IKZF3: variants seen among roughly 807,000 people sequenced by gnomAD.
IKZF3 encodes the protein IKAROS family zinc finger 3, also known as zinc finger protein Aiolos.
A neutral mutation model predicts 49.0 loss-of-function variants in IKZF3; 10 were observed. The observed-to-expected ratio is 0.20, with a 90% CI of 0.13 to 0.35. The LOEUF (loss-of-function observed/expected upper bound fraction) is 0.35, where lower values mean the gene tolerates loss of function less well. IKZF3 is among the 10% of genes least tolerant of loss of function. The probability of loss-of-function intolerance (pLI) is 1.00; values close to 1 mark genes in which losing one functional copy is unlikely to be tolerated. For synonymous variants in IKZF3, 209 were observed against 228.2 expected (o/e 0.92, Z 0.76); for missense variants, 498 against 664.8 (o/e 0.75, Z 2.76).
intron 5 of IKZF3, 42 bp downstream of exon 5, chr17:39,791,374 A>G: frequency 6.2e-7 from 1 of 1,601,994 alleles, no homozygotes; most frequent in Non-Finnish European, 8.5e-7. Context: ...GGCTCTGAGG[A>G]ATGCACTTCC....
intron 7 of IKZF3, among the ~76,000 whole-genome samples, chr17:39,772,515 T>C (rs2060470749): frequency 6.6e-6 from 1 of 152,240 alleles, no homozygotes; most frequent in African/African-American, 2.4e-5. Context: ...ACCATCATCA[T>C]GGCTCTGATC....
At chr17:39,805,619 G>T (rs529062401) in intron 3 of IKZF3, among the ~76,000 whole-genome samples, 89 of 152,274 alleles carry the variant, frequency 5.8e-4, no homozygotes, top group African/African-American at 2.1e-3. Flanking sequence ...AGAGCACTGA[G>T]AAATAATAGA....
intron 3 of IKZF3, among the ~76,000 whole-genome samples, chr17:39,823,552 G>A (rs187699643): frequency 6.6e-6 from 1 of 152,268 alleles, no homozygotes; most frequent in African/African-American, 2.4e-5. Context: ...CTTCACAGCG[G>A]CCCCTCCCAT....
At chr17:39,835,588 G>A (rs978647684) in intron 1 of IKZF3, 7 of 435,100 alleles carry the variant, frequency 1.6e-5, no homozygotes, top group Middle Eastern at 7.3e-4. Context: ...GCCTGGCTGC[G>A]GTTGGCGATC....
intron 1 of IKZF3, among the ~76,000 whole-genome samples, chr17:39,846,225 T>C (rs1434100156): frequency 6.6e-6 from 1 of 152,176 alleles, no homozygotes; most frequent in East Asian, 1.9e-4. Context: ...AGTCTACTAC[T>C]GAGATACTGA....
intron 6 of IKZF3, among the ~76,000 whole-genome samples, chr17:39,787,104 C>T (rs1224961063): frequency 6.6e-6 from 1 of 152,170 alleles, no homozygotes; most frequent in Non-Finnish European, 1.5e-5. Flanking sequence ...CAATTGCTGT[C>T]AAACACTAAA....
chr17:39,791,195 T>C (rs185328550), intron 5 of IKZF3, among the ~76,000 whole-genome samples: 46 of 152,248 alleles, frequency 3.0e-4, no homozygotes, highest in Middle Eastern at 3.4e-3. Flanking sequence ...TTGTTCTCCA[T>C]GGGTGCAAGG....
In IKZF3 at chr17:39,864,223, T is replaced by TC; in HGVS notation, c.-98_-97insG. 1 of 1,431,822 alleles carries TC rather than the reference T, an allele frequency of 7.0e-7. No individual in the cohort carries two copies. Among genetic ancestry groups the TC allele is most frequent in the Non-Finnish European group, 9.5e-7 (1 of 1,054,008 alleles). 88.7% of individuals were successfully genotyped at this position (1,431,822 alleles called of 1,614,324 possible). ...GACTCAGCGCGCAGCTGGCGGGAGA[T>TC]TCCCGGCGCGGGGAGTCCCCGGGAT... On this transcript the variant is annotated 5_prime_UTR_variant, in exon 1 of 8. Transcript: ENST00000346872.
chr17:39,796,563 CAG>C (rs1344561255), intron 3 of IKZF3, among the ~76,000 whole-genome samples: 2 of 138,416 alleles, frequency 1.4e-5, no homozygotes, highest in Non-Finnish European at 3.1e-5. Context: ...TTTTTTGAGT[CAG>C]AGTCTCACTC....
At chr17:39,818,565 A>T (rs1413448844) in intron 3 of IKZF3, among the ~76,000 whole-genome samples, 1 of 152,150 alleles carries the variant, frequency 6.6e-6, no homozygotes, top group Non-Finnish European at 1.5e-5. Flanking sequence ...TCAACGTTAA[A>T]ATTAGCCTAC....
At chr17:39,819,848 T>G (rs1379782895) in intron 3 of IKZF3, among the ~76,000 whole-genome samples, 1 of 152,108 alleles carries the variant, frequency 6.6e-6, no homozygotes. Context: ...AATTTTTTTT[T>G]TGTAGAGATG....
At chr17:39,837,767 T>A (rs73304137) in intron 1 of IKZF3, among the ~76,000 whole-genome samples, 4,044 of 151,586 alleles carry the variant, frequency 0.027, 184 homozygotes, top group African/African-American at 0.093. Flanking sequence ...GCCTCCCGAG[T>A]AGCTGGGACT....
At chr17:39,849,601 G>A (rs1022874201) in intron 1 of IKZF3, among the ~76,000 whole-genome samples, 5 of 152,036 alleles carry the variant, frequency 3.3e-5, no homozygotes, top group East Asian at 1.9e-4. Context: ...GCAGTAAGCC[G>A]AGATTGCACC....
chr17:39,777,987 G>T, intron 6 of IKZF3: 2 of 1,218,624 alleles, frequency 1.6e-6, no homozygotes, highest in Non-Finnish European at 2.0e-6. Context: ...AGATGGGAAA[G>T]CTCGACCCAT....
At position 39,765,842 on chromosome 17, in the gene IKZF3, T is replaced by C. The variant is rs1385802022; in HGVS notation, c.1478A>G (p.Tyr493Cys). ...TCTGGCTATGTGAGACGAGAACTCA[T>C]ACCGATCATGGCTTCGATATCCACA... The part of the protein sequence containing the change: ...NMCGYRSHDR[Y>C]EFSSHIARGE... The change falls in exon 8 of 8, where the codon TAT (tyrosine) becomes TGT (cysteine). Residue 493 changes from tyrosine (Y) to cysteine (C), a missense_variant. This residue lies in a region of IKZF3 where 317 missense variants were observed against 397.3 expected (regional missense o/e 0.80). Transcript: ENST00000346872. 1 of 1,614,076 alleles carries C rather than the reference T, an allele frequency of 6.2e-7. No individual in the cohort carries two copies.
chr17:39,759,961 C>T lies in IKZF3; in HGVS notation c.*5829G>A, dbSNP rs1025135537. 2.0e-5 allele frequency: 3 copies of T among 152,084 alleles called. No homozygotes were observed. The highest frequency in any genetic ancestry group is 1.9e-4 in the East Asian group (1 of 5,200). 9.4% of individuals were successfully genotyped at this position (152,084 alleles called of 1,614,324 possible). A position where few individuals can be genotyped will look rare whatever the true frequency, so the allele number is the denominator to read the frequency against. On this transcript the variant is annotated 3_prime_UTR_variant, in exon 8 of 8. Coordinates refer to ENST00000346872, the MANE Select transcript of IKZF3 (RefSeq NM_012481.5). Reference sequence around the variant, plus strand: ...TTTCTCTTCTTGAGCTCACAAGTCCCGATGCTGACTCTTTGAGTCCTCAGA... The same window carrying T: ...TTTCTCTTCTTGAGCTCACAAGTCCTGATGCTGACTCTTTGAGTCCTCAGA...
intron 3 of IKZF3, among the ~76,000 whole-genome samples, chr17:39,806,971 G>C (rs2061443762): frequency 6.6e-6 from 1 of 152,176 alleles, no homozygotes; most frequent in African/African-American, 2.4e-5. Context: ...CAGTCTAACA[G>C]CCTTCAGGAA....
Position 39,792,693 on chromosome 17 carries a change from A to T in IKZF3, c.404T>A (p.Val135Asp). The change falls in exon 4 of 8, where the codon GTT becomes GAT. Residue 135 changes from valine to aspartate, a missense_variant. Physicochemically the swap from Val to Asp is radical, Grantham distance 152 (BLOSUM62 -3). This residue lies in a region of IKZF3 where 84 missense variants were observed against 168.6 expected (regional missense o/e 0.50). Transcript: ENST00000346872. ...TTTACCAGTATGGCTTCGCTTATGAACCATTAAGACATTGAAGCTGATGCA... is the reference window on the plus strand; with the variant it reads ...TTTACCAGTATGGCTTCGCTTATGATCCATTAAGACATTGAAGCTGATGCA... ...LSCISFNVLM[V>D]HKRSHTGERP... is the part of the protein sequence containing the mutation. The T allele has an allele frequency of 6.2e-7, 1 of 1,614,088 alleles. No individual in the cohort carries two copies. Among genetic ancestry groups the T allele is most frequent in the Non-Finnish European group, 8.5e-7 (1 of 1,179,962 alleles).
chr17:39,840,203 A>T (rs1241199612), intron 1 of IKZF3, among the ~76,000 whole-genome samples: 2 of 152,216 alleles, frequency 1.3e-5, no homozygotes, highest in Admixed American at 1.3e-4. Context: ...GTAACTCTAC[A>T]CATTAGTGGA....
Sources: gnomAD v4.1 joint callset for allele counts (sites outside exome capture counted in the v4.1 genomes callset) on GRCh38, gnomAD v4.1.1 for gene constraint, gnomAD v4.1.1 regional missense constraint, MANE v1.5 for transcripts, NCBI Gene and HGNC (gene_info 2026-07-23, HGNC 2026-07-21) for gene names.